BIRC6: variants seen among roughly 807,000 people sequenced by gnomAD.
The protein encoded by BIRC6 is baculoviral IAP repeat containing 6.
BIRC6 carries 98 observed loss-of-function variants against 503.3 expected under a neutral mutation model. That is an observed-to-expected ratio of 0.19 (90% CI 0.17 to 0.23). BIRC6 has a LOEUF of 0.23. BIRC6 is among the 10% of genes least tolerant of loss of function. The probability of loss-of-function intolerance (pLI) is 1.00; values close to 1 mark genes in which losing one functional copy is unlikely to be tolerated. For missense variants in BIRC6, 5,360 were observed against 5,806.0 expected, an observed-to-expected ratio of 0.92 and a Z score of 2.50; for synonymous variants, 2,240 against 2,078.7, an observed-to-expected ratio of 1.08 and a Z score of -2.11.
intron 44 of BIRC6, among the ~76,000 whole-genome samples, chr2:32,492,659 A>G (rs2051896004): frequency 1.3e-5 from 2 of 152,096 alleles, no homozygotes; most frequent in South Asian, 4.1e-4. Flanking sequence ...AAAAAATAAT[A>G]TTTTCTTTCT....
rs1354232174 is a variant in BIRC6 at position 32,388,897 on chromosome 2, A to C, written c.793A>C (p.Ser265Arg). The stretch of plus-strand genomic sequence containing the variant: ...GGACAGATTGTCTTACCTCTTACCT[A>C]GTGCACGTCCAGAACTCGGAGTGGG... ...VMDRLSYLLP[S>R]ARPELGVGPG... The change falls in exon 4 of 74, where the codon AGT (serine) becomes CGT (arginine). Residue 265 changes from serine to arginine, a missense_variant. Ser to Arg is a moderately radical substitution (Grantham distance 110). This residue lies in a region of BIRC6 where 134 missense variants were observed against 150.9 expected (regional missense o/e 0.89). Transcript: ENST00000421745. 2.5e-6 allele frequency: 4 copies of C among 1,609,234 alleles called. No homozygotes were observed. In the African/African-American group the frequency reaches 4.0e-5, roughly 16 times the overall value.
intron 6 of BIRC6, among the ~76,000 whole-genome samples, chr2:32,396,475 A>G (rs572199804): frequency 2.2e-4 from 33 of 152,308 alleles, no homozygotes; most frequent in African/African-American, 4.3e-4. Flanking sequence ...CAGTGTACCT[A>G]TGGAGTTCAG....
At chr2:32,437,265 A>G (rs2148175585) in intron 15 of BIRC6, among the ~76,000 whole-genome samples, 1 of 152,328 alleles carries the variant, frequency 6.6e-6, no homozygotes, top group East Asian at 1.9e-4. Context: ...AATGCAGATT[A>G]TAATGAATGT....
chr2:32,512,971 G>C lies in BIRC6; in HGVS notation c.10385G>C (p.Arg3462Thr). The C allele has an allele frequency of 6.2e-7, 1 of 1,613,946 alleles. No homozygotes were observed. The highest frequency in any genetic ancestry group is 8.5e-7 in the Non-Finnish European group (1 of 1,179,868). ...TTAAAATGGGTTAGTGATTCTGCAA[G>C]AGTGGCTGCTATGAAGAGAAGTGGC... ...ALLKWVSDSA[R>T]VAAMKRSGRM... Residue 3462 changes from arginine (R) to threonine (T), a missense_variant, in exon 54 of 74, where the codon AGA becomes ACA. Transcript: ENST00000421745.
Position 32,519,022 on chromosome 2 carries a change from T to G in BIRC6, c.11623+76T>G, listed in dbSNP as rs1012468323. 44 of 1,400,946 alleles carry G rather than the reference T, an allele frequency of 3.1e-5. No homozygotes were observed. In the African/African-American group the frequency reaches 5.8e-4, roughly 19 times the overall value. The allele number at this position is 1,400,946 out of a possible 1,614,324, so 86.8% of individuals were successfully genotyped here. ...ATGGAGGTTTATTGTTTTTATAACT[T>G]TATTTTCTGCATCCACTTTGCAACC... On this transcript the variant is annotated intron_variant, in intron 57 of 73. Coordinates refer to ENST00000421745, the MANE Select transcript of BIRC6 (RefSeq NM_016252.4).
At chr2:32,447,630 C>T (rs1186523582) in intron 21 of BIRC6, among the ~76,000 whole-genome samples, 5 of 119,364 alleles carry the variant, frequency 4.2e-5, no homozygotes, top group African/African-American at 6.8e-5. Context: ...CCCTCCCGGA[C>T]GGCGCGGCTG....
chr2:32,578,857 C>G (rs1210837298), intron 66 of BIRC6, among the ~76,000 whole-genome samples: 1 of 151,374 alleles, frequency 6.6e-6, no homozygotes, highest in Non-Finnish European at 1.5e-5. Flanking sequence ...CACTCAGAAA[C>G]ATTTTACAAT....
Position 32,479,560 on chromosome 2 carries a change from C to G in BIRC6, c.7351C>G (p.Gln2451Glu). The part of the protein sequence containing the change: ...TAGDSDDSLQ[Q>E]SSVQLLETID... ...TGGTGACTCTGATGACTCCCTTCAA[C>G]AGTCCTCAGTTCAGTTGCTGGAAAC... Residue 2451 changes from glutamine to glutamate, a missense_variant, in exon 37 of 74, where the codon CAG becomes GAG. Gln to Glu is a conservative substitution (Grantham distance 29). Coordinates refer to ENST00000421745, the MANE Select transcript of BIRC6 (RefSeq NM_016252.4). 1 of 1,609,172 alleles carries G rather than the reference C, an allele frequency of 6.2e-7. No homozygotes were observed. Among genetic ancestry groups the G allele is most frequent in the Non-Finnish European group, 8.5e-7 (1 of 1,177,376 alleles).
chr2:32,469,731 T>G (rs1572450991), intron 30 of BIRC6, 117 bp downstream of exon 30: 2 of 948,210 alleles, frequency 2.1e-6, no homozygotes, highest in East Asian at 4.8e-5. Context: ...GAAGCAGATC[T>G]CAGAGTTTGT....
intron 25 of BIRC6, 74 bp from the exon 26 acceptor site, chr2:32,464,991 T>A: frequency 1.5e-6 from 2 of 1,317,664 alleles, no homozygotes; most frequent in South Asian, 2.8e-5. Flanking sequence ...TAATTTGCTA[T>A]TATGGTTAGT....
chr2:32,368,052 G>GGA (rs2035225497), intron 1 of BIRC6, among the ~76,000 whole-genome samples: 1 of 152,180 alleles, frequency 6.6e-6, no homozygotes, highest in African/African-American at 2.4e-5. Context: ...CAGAAGACTG[G>GGA]GAGATGGCAC....
At chr2:32,500,588 T>TTTTTTG (rs1477779902) in intron 46 of BIRC6, among the ~76,000 whole-genome samples, 2 of 143,782 alleles carry the variant, frequency 1.4e-5, no homozygotes, top group South Asian at 2.3e-4. Flanking sequence ...CCCCTGCTAG[T>TTTTTTG]TTTTTGTTTT....
chr2:32,461,508 T>C (rs1431887862), intron 23 of BIRC6, among the ~76,000 whole-genome samples: 1 of 151,626 alleles, frequency 6.6e-6, no homozygotes, highest in East Asian at 1.9e-4. Context: ...GCCTAGCCAA[T>C]TGCTCATTGA....
chr2:32,447,478 G>A (rs2046159648), intron 21 of BIRC6, among the ~76,000 whole-genome samples: 1 of 142,994 alleles, frequency 7.0e-6, no homozygotes, highest in Non-Finnish European at 1.5e-5. Context: ...CGGGCGGGGG[G>A]CTGATCCCCC....
Position 32,554,396 on chromosome 2 carries a change from A to G in BIRC6, c.13144+4915A>G, listed in dbSNP as rs1572976771. Among the ~76,000 whole-genome samples the G allele has an allele frequency of 3.3e-5, 5 of 152,350 alleles. No homozygotes were observed. The South Asian group carries it at 1.0e-3, about 32-fold the overall frequency. Reference sequence around the variant, plus strand: ...CTAGAGAAATGTATTCAGTTGCTCAAGTTTAACTGGTTAGTAACGTGGTGA... The same window carrying G: ...CTAGAGAAATGTATTCAGTTGCTCAGGTTTAACTGGTTAGTAACGTGGTGA... On this transcript the variant is annotated intron_variant, in intron 65 of 73. Transcript: ENST00000421745.
chr2:32,540,013 T>G (rs921916554), intron 61 of BIRC6, among the ~76,000 whole-genome samples: 1 of 152,088 alleles, frequency 6.6e-6, no homozygotes, highest in African/African-American at 2.4e-5. Context: ...TAACCAACTT[T>G]ATGCCAACAT....
In BIRC6 at chr2:32,389,151, A is replaced by G. The variant is rs191174783; in HGVS notation, c.839+208A>G. Among the ~76,000 whole-genome samples, 42 of 152,284 alleles carry G rather than the reference A, an allele frequency of 2.8e-4. No individual in the cohort carries two copies. In the East Asian group the frequency reaches 7.1e-3, roughly 26 times the overall value. On this transcript the variant is annotated intron_variant, in intron 4 of 73. Coordinates refer to ENST00000421745, the MANE Select transcript of BIRC6 (RefSeq NM_016252.4). ...ACTTGAATTGCTATTTTTAAACACT[A>G]TATTTTAGTACACTAAAGGTATTTG...
chr2:32,605,415 A>G (rs1224165559), intron 71 of BIRC6, among the ~76,000 whole-genome samples: 1 of 152,218 alleles, frequency 6.6e-6, no homozygotes, highest in Non-Finnish European at 1.5e-5. Context: ...CCTTTTTTAT[A>G]AATTTGTAAT....
At position 32,477,634 on chromosome 2, in the gene BIRC6, C is replaced by G. The variant is rs556163907; in HGVS notation, c.7068+51C>G. On this transcript the variant is annotated intron_variant, in intron 35 of 73. Coordinates refer to ENST00000421745, the MANE Select transcript of BIRC6 (RefSeq NM_016252.4). ...ACAGGGTTGGCCGGGCGCAGTGGCT[C>G]ATGCCTGTAATCCCAGCACTTTGGG... 55 of 1,434,310 alleles carry G rather than the reference C, an allele frequency of 3.8e-5. No homozygotes were observed. The African/African-American group carries it at 6.4e-4, about 17-fold the overall frequency. The allele number at this position is 1,434,310 out of a possible 1,614,324, so 88.8% of individuals were successfully genotyped here.
Sources: gnomAD v4.1 joint callset for allele counts (sites outside exome capture counted in the v4.1 genomes callset) on GRCh38, gnomAD v4.1.1 for gene constraint, gnomAD v4.1.1 regional missense constraint, MANE v1.5 for transcripts, NCBI Gene and HGNC (gene_info 2026-07-23, HGNC 2026-07-21) for gene names.